SLC9A9: variants seen among roughly 807,000 people sequenced by gnomAD.
The protein encoded by SLC9A9 is solute carrier family 9 member A9.
In SLC9A9, 62 loss-of-function variants were observed where a neutral mutation model predicts 77.8. The observed-to-expected ratio is 0.80, with a 90% CI of 0.65 to 0.98. The LOEUF (loss-of-function observed/expected upper bound fraction) is 0.98. Among genes scored for constraint, SLC9A9 ranks in the 50% least tolerant of loss-of-function variants. The pLI is 0.00. For missense variants in SLC9A9, 775 were observed against 774.9 expected, an observed-to-expected ratio of 1.00 and a Z score of 0.00; for synonymous variants, 320 against 283.5, an observed-to-expected ratio of 1.13 and a Z score of -1.29.
In SLC9A9 at chr3:143,584,784, GT is replaced by G. The variant is rs1482231643; in HGVS notation, c.756-6062del. ...TATCTTGGTCAAATCCCATTACTGA[GT>G]TCCTTTCAGTTATTAAAACTTAGCG... On this transcript the variant is annotated intron_variant, in intron 6 of 15. Coordinates refer to ENST00000316549, the MANE Select transcript of SLC9A9 (RefSeq NM_173653.4). Among the ~76,000 whole-genome samples the G allele has an allele frequency of 5.9e-5, 9 of 152,308 alleles. No homozygotes were observed. The East Asian group carries it at 1.7e-3, about 29-fold the overall frequency.
chr3:143,531,607 CAATATGTGGGTGTA>C (rs765694270), intron 9 of SLC9A9, among the ~76,000 whole-genome samples: 4 of 152,056 alleles, frequency 2.6e-5, no homozygotes, highest in Non-Finnish European at 5.9e-5. Flanking sequence ...TTGTATAATA[CAATATGTGGGTGTA>C]AATTAAGAGA....
intron 12 of SLC9A9, among the ~76,000 whole-genome samples, chr3:143,460,994 C>T (rs938073920): frequency 1.3e-5 from 2 of 152,036 alleles, no homozygotes; most frequent in Admixed American, 1.3e-4. Context: ...ACTGGTTTTC[C>T]ATGTTTCATG....
intron 14 of SLC9A9, among the ~76,000 whole-genome samples, chr3:143,356,953 G>A (rs190781653): frequency 6.6e-6 from 1 of 152,134 alleles, no homozygotes; most frequent in African/African-American, 2.4e-5. Flanking sequence ...TAGTATTCTA[G>A]GTGTTATTAA....
At chr3:143,791,774 T>C (rs1366930762) in intron 4 of SLC9A9, among the ~76,000 whole-genome samples, 1 of 152,258 alleles carries the variant, frequency 6.6e-6, no homozygotes, top group African/African-American at 2.4e-5. Flanking sequence ...GCCCATTTCA[T>C]GCAAATCTGC....
intron 9 of SLC9A9, chr3:143,518,294 G>T: frequency 9.4e-7 from 1 of 1,069,290 alleles, no homozygotes; most frequent in Non-Finnish European, 1.4e-6. Context: ...CGCTGGCTCA[G>T]CGTGACCACG....
At chr3:143,563,999 C>T (rs1453923600) in intron 8 of SLC9A9, among the ~76,000 whole-genome samples, 1 of 152,162 alleles carries the variant, frequency 6.6e-6, no homozygotes, top group Admixed American at 6.6e-5. Flanking sequence ...CGCTGACCCA[C>T]AGCAGTGTCC....
chr3:143,401,694 C>T (rs1329289845), intron 12 of SLC9A9, among the ~76,000 whole-genome samples: 1 of 152,048 alleles, frequency 6.6e-6, no homozygotes, highest in African/African-American at 2.4e-5. Flanking sequence ...GTTCCTATTC[C>T]TAGGCTGGAT....
At chr3:143,405,792 T>C (rs1347076328) in intron 12 of SLC9A9, among the ~76,000 whole-genome samples, 1 of 152,172 alleles carries the variant, frequency 6.6e-6, no homozygotes, top group Non-Finnish European at 1.5e-5. Flanking sequence ...TTTCATAACA[T>C]TGAAACAGCA....
intron 7 of SLC9A9, among the ~76,000 whole-genome samples, chr3:143,577,893 C>T (rs1409788768): frequency 2.0e-5 from 3 of 152,172 alleles, no homozygotes; most frequent in Non-Finnish European, 4.4e-5. Flanking sequence ...GGCCTTCCTC[C>T]TCTACTCCAG....
rs35370580 is a variant in SLC9A9 at position 143,750,733 on chromosome 3, C to CTA, written c.533+44266_533+44267dup. On this transcript the variant is annotated intron_variant, in intron 4 of 15. Transcript: ENST00000316549. ...AAACAAAATGCTGTTAAATATATATCTATATATATATATATACATATATAA... is the reference window on the plus strand; with the variant it reads ...AAACAAAATGCTGTTAAATATATATCTATATATATATATATATACATATATAA... Among the ~76,000 whole-genome samples the CTA allele has an allele frequency of 2.8e-3, 416 of 146,500 alleles. 2 individuals carry two copies. The highest frequency in any genetic ancestry group is 7.2e-3 in the Middle Eastern group (2 of 278).
At chr3:143,643,577 A>G (rs2038656133) in intron 6 of SLC9A9, among the ~76,000 whole-genome samples, 1 of 152,064 alleles carries the variant, frequency 6.6e-6, no homozygotes, top group Non-Finnish European at 1.5e-5. Flanking sequence ...TCTTGCTGTG[A>G]TTTTTCTCTT....
chr3:143,548,382 T>C (rs1284677853), intron 9 of SLC9A9, among the ~76,000 whole-genome samples: 1 of 152,024 alleles, frequency 6.6e-6, no homozygotes, highest in African/African-American at 2.4e-5. Flanking sequence ...GGTCTGTACA[T>C]AGTCTTCTGG....
At chr3:143,419,744 T>A (rs1057262798) in intron 12 of SLC9A9, among the ~76,000 whole-genome samples, 1 of 152,050 alleles carries the variant, frequency 6.6e-6, no homozygotes, top group African/African-American at 2.4e-5. Context: ...CAACAAAGGA[T>A]GCAGATAAAC....
chr3:143,608,671 A>G (rs1421694226), intron 6 of SLC9A9, among the ~76,000 whole-genome samples: 1 of 152,192 alleles, frequency 6.6e-6, no homozygotes, highest in Admixed American at 6.5e-5. Flanking sequence ...AATACCATTT[A>G]TGTAAAATTT....
intron 14 of SLC9A9, among the ~76,000 whole-genome samples, chr3:143,336,925 A>G (rs2031942531): frequency 6.6e-6 from 1 of 152,192 alleles, no homozygotes; most frequent in Admixed American, 6.5e-5. Context: ...TTTTTAAAAT[A>G]CAGAAAATCT....
intron 5 of SLC9A9, among the ~76,000 whole-genome samples, chr3:143,676,149 C>A (rs1450701877): frequency 2.6e-5 from 4 of 152,170 alleles, no homozygotes; most frequent in African/African-American, 9.7e-5. Context: ...AATGCTGCCG[C>A]TGATCTGACA....
intron 13 of SLC9A9, among the ~76,000 whole-genome samples, chr3:143,371,830 C>A (rs539828351): frequency 4.6e-5 from 7 of 152,268 alleles, no homozygotes; most frequent in African/African-American, 1.7e-4. Flanking sequence ...AAAGATCCCT[C>A]CAAGAGACAA....
intron 14 of SLC9A9, among the ~76,000 whole-genome samples, chr3:143,334,152 A>G (rs2031858039): frequency 6.6e-6 from 1 of 152,244 alleles, no homozygotes; most frequent in Admixed American, 6.5e-5. Flanking sequence ...TCCAAAATCC[A>G]ATTTTGATCC....
At chr3:143,655,059 A>G (rs1445728679) in intron 5 of SLC9A9, among the ~76,000 whole-genome samples, 1 of 152,248 alleles carries the variant, frequency 6.6e-6, no homozygotes, top group Non-Finnish European at 1.5e-5. Context: ...GTTTTGAAAT[A>G]AAGCTAGACA....
Sources: allele counts gnomAD v4.1 joint callset (sites outside exome capture counted in the v4.1 genomes callset), GRCh38; gene constraint gnomAD v4.1.1; transcripts MANE v1.5; gene names NCBI Gene and HGNC (gene_info 2026-07-23, HGNC 2026-07-21).